MIDEAS: variants seen among roughly 807,000 people sequenced by gnomAD.
MIDEAS encodes the protein mitotic deacetylase associated SANT domain protein.
In MIDEAS, 26 loss-of-function variants were observed where a neutral mutation model predicts 102.7. That is an observed-to-expected ratio of 0.25 (90% confidence interval 0.19 to 0.35). MIDEAS has a LOEUF of 0.35. MIDEAS is among the 10% of genes least tolerant of loss of function. The pLI is 1.00. For missense variants in MIDEAS, 1,231 were observed against 1,435.6 expected (o/e 0.86, Z 2.30); for synonymous variants, 585 against 591.0 (o/e 0.99, Z 0.15).
Position 73,715,752 on chromosome 14 carries a change from C to CGTTA in MIDEAS, c.*3090_*3091insTAAC, listed in dbSNP as rs2052876789. ...GTGTTGTATTCCTCCTTCATCTTAA[C>CGTTA]ATCTGGCACATGAGAAGAAAGAGGT... On this transcript the variant is annotated 3_prime_UTR_variant, in exon 13 of 13. Coordinates refer to ENST00000423556, the MANE Select transcript of MIDEAS (RefSeq NM_001367710.1). The CGTTA allele has an allele frequency of 6.6e-6, 1 of 152,612 alleles. No homozygotes were observed. Among genetic ancestry groups the CGTTA allele is most frequent in the Non-Finnish European group, 1.5e-5 (1 of 68,052 alleles). 9.5% of individuals were successfully genotyped at this position (152,612 alleles called of 1,614,324 possible).
upstream of MIDEAS, among the ~76,000 whole-genome samples, chr14:73,763,027 T>C (rs1296013452): frequency 6.6e-6 from 1 of 152,162 alleles, no homozygotes; most frequent in Non-Finnish European, 1.5e-5. Flanking sequence ...CAGCAGTATC[T>C]AGACCATTAA....
rs1442567576 is a variant in MIDEAS at position 73,716,648 on chromosome 14, A to C, written c.*2195T>G. On this transcript the variant is annotated 3_prime_UTR_variant, in exon 13 of 13. Transcript: ENST00000423556. ...CAGTGAGCCAAGATCACACCACTGC[A>C]CTCCAGCCTGGGCGACAGAATGAGA... The C allele has an allele frequency of 1.5e-5, 2 of 137,264 alleles. No individual in the cohort carries two copies. Among genetic ancestry groups the C allele is most frequent in the Non-Finnish European group, 3.0e-5 (2 of 66,212 alleles). The allele number at this position is 137,264 out of a possible 1,614,324, so 8.5% of individuals were successfully genotyped here.
chr14:73,741,469 G>A (rs2053280514), intron 1 of MIDEAS, among the ~76,000 whole-genome samples: 2 of 152,222 alleles, frequency 1.3e-5, no homozygotes, highest in South Asian at 4.1e-4. Flanking sequence ...GGGCGGCTCT[G>A]AAGAGGAAAT....
In MIDEAS at chr14:73,729,994, G is replaced by A; in HGVS notation, c.1750-9C>T. ...ACATTCATGTCCTCTGCCTGGAGAA[G>A]GAAAGAAAACAAGGACGGCTCAGCC... is the stretch of plus-strand genomic sequence containing the variant. On this transcript the variant is annotated splice_polypyrimidine_tract_variant and intron_variant, in intron 3 of 12. Transcript: ENST00000423556. 2 of 1,603,466 alleles carry A rather than the reference G, an allele frequency of 1.2e-6. No homozygotes were observed. The highest frequency in any genetic ancestry group is 1.3e-5 in the African/African-American group (1 of 74,536).
At chr14:73,741,104 C>CT in intron 1 of MIDEAS, among the ~76,000 whole-genome samples, 1 of 152,364 alleles carries the variant, frequency 6.6e-6, no homozygotes, top group East Asian at 1.9e-4. Flanking sequence ...TGCCTGACCC[C>CT]TGCCCCTTCC....
upstream of MIDEAS, among the ~76,000 whole-genome samples, chr14:73,762,567 C>T (rs1472407686): frequency 6.6e-6 from 1 of 152,192 alleles, no homozygotes; most frequent in East Asian, 1.9e-4. Flanking sequence ...CTCAAAAAGG[C>T]GGGCAGATGA....
intron 1 of MIDEAS, among the ~76,000 whole-genome samples, chr14:73,743,914 A>G (rs1386900440): frequency 1.3e-5 from 2 of 151,940 alleles, no homozygotes; most frequent in Non-Finnish European, 1.5e-5. Flanking sequence ...GCAGCAACCA[A>G]TCCTTGACCA....
At chr14:73,758,837 C>A (rs1046055421) in intron 1 of MIDEAS, 1 of 154,504 alleles carries the variant, frequency 6.5e-6, no homozygotes, top group Non-Finnish European at 1.5e-5. Context: ...AGCCTGAAGG[C>A]CCCAGGGCAC....
chr14:73,719,226 CCTCCCCT>C, intron 12 of MIDEAS, 72 bp downstream of exon 12: 1 of 1,433,284 alleles, frequency 7.0e-7, no homozygotes, highest in African/African-American at 1.4e-5. Context: ...ACCTCTTCCC[CCTCCCCT>C]CCACCCCACC....
rs1406154932 is a variant in MIDEAS at position 73,716,426 on chromosome 14, G to C, written c.*2417C>G. The C allele has an allele frequency of 6.6e-6, 1 of 151,986 alleles. No homozygotes were observed. Among genetic ancestry groups the C allele is most frequent in the Non-Finnish European group, 1.5e-5 (1 of 68,010 alleles). 9.4% of individuals were successfully genotyped at this position (151,986 alleles called of 1,614,324 possible). ...ACGGTGGTTCACGCCTGTAATGCCA[G>C]CACTTTGGGAGGCCGAGGCGGGTGG... On this transcript the variant is annotated 3_prime_UTR_variant, in exon 13 of 13. Coordinates refer to ENST00000423556, the MANE Select transcript of MIDEAS (RefSeq NM_001367710.1).
intron 7 of MIDEAS, 109 bp from the exon 8 acceptor site, chr14:73,726,217 C>T: frequency 4.4e-6 from 4 of 906,248 alleles, no homozygotes; most frequent in Non-Finnish European, 7.1e-6. Flanking sequence ...TTACTCTTGC[C>T]CCCTTAACTG....
At chr14:73,763,128 G>A (rs1205451283), upstream of MIDEAS, among the ~76,000 whole-genome samples, 1 of 152,132 alleles carries the variant, frequency 6.6e-6, no homozygotes, top group Admixed American at 6.5e-5. Flanking sequence ...TTGAGCGCAG[G>A]AGTTTAGAGA....
chr14:73,745,334 C>T (rs115395035), intron 1 of MIDEAS, among the ~76,000 whole-genome samples: 202 of 152,360 alleles, frequency 1.3e-3, no homozygotes, highest in African/African-American at 4.6e-3. Context: ...TGGAAAAGTG[C>T]CAGCTCCACT....
intron 5 of MIDEAS, 152 bp from the exon 6 acceptor site, chr14:73,727,124 C>G: frequency 8.2e-6 from 8 of 975,056 alleles, no homozygotes; most frequent in Non-Finnish European, 1.2e-5. Context: ...CTTGGGAGGA[C>G]AGCCTGACCT....
In MIDEAS at chr14:73,721,399, C is replaced by T; in HGVS notation, c.2835G>A (p.Glu945=). The T allele has an allele frequency of 6.2e-7, 1 of 1,614,114 alleles. No individual in the cohort carries two copies. Among genetic ancestry groups the T allele is most frequent in the South Asian group, 1.1e-5 (1 of 91,078 alleles). The change falls in exon 11 of 13, where the codon GAG becomes GAA. Residue 945 remains glutamate, a synonymous_variant. Transcript: ENST00000423556. ...VKEPRKEGEE[E]VPEIQEKEEQ... Reference sequence around the variant, plus strand: ...CCTCCTTCTCTTGGATCTCTGGCACCTCCTCCTCCCCCTCCTTCCTGGGCT... The same window carrying T: ...CCTCCTTCTCTTGGATCTCTGGCACTTCCTCCTCCCCCTCCTTCCTGGGCT...
intron 1 of MIDEAS, among the ~76,000 whole-genome samples, chr14:73,768,440 C>T (rs575369199): frequency 1.3e-5 from 2 of 151,968 alleles, no homozygotes; most frequent in East Asian, 3.9e-4. Context: ...GCCTCATGGG[C>T]CATTCTCCCT....
intron 1 of MIDEAS, among the ~76,000 whole-genome samples, chr14:73,777,524 C>A (rs187148324): frequency 3.6e-4 from 55 of 150,954 alleles, no homozygotes; most frequent in Middle Eastern, 3.4e-3. Flanking sequence ...TTTCTGCACC[C>A]CTCTCAGCCG....
At position 73,738,895 on chromosome 14, in the gene MIDEAS, T is replaced by C; in HGVS notation, c.1114A>G (p.Thr372Ala). Residue 372 changes from threonine to alanine, a missense_variant, in exon 2 of 13, where the codon ACT becomes GCT. Around this residue, in one of 5 missense-constraint regions of MIDEAS, gnomAD observed 758 missense variants for 856.0 expected, o/e 0.89. Coordinates refer to ENST00000423556, the MANE Select transcript of MIDEAS (RefSeq NM_001367710.1). ...GAGTQPGQEATGNLFLHHWPL... is the reference protein window; with the variant it reads ...GAGTQPGQEAAGNLFLHHWPL... ...CAGTGATGTAGGAACAGGTTGCCAG[T>C]GGCCTCCTGCCCAGGCTGGGTGCCA... 1 of 1,546,396 alleles carries C rather than the reference T, an allele frequency of 6.5e-7. No individual in the cohort carries two copies. Among genetic ancestry groups the C allele is most frequent in the Non-Finnish European group, 8.7e-7 (1 of 1,146,440 alleles).
chr14:73,718,186 G>C lies in MIDEAS; in HGVS notation c.*657C>G, dbSNP rs4903144. On this transcript the variant is annotated 3_prime_UTR_variant, in exon 13 of 13. Transcript: ENST00000423556. ...TGAGAAAACTTTCTAGCCCTAGCAA[G>C]GCCGCCAGCAAGCAGCAAAGGGAGA... 0.49 allele frequency: 75,126 copies of C among 152,184 alleles called. 19,872 individuals are homozygous for C. The highest frequency in any genetic ancestry group is 0.92 in the East Asian group (4,767 of 5,166). The allele number at this position is 152,184 out of a possible 1,614,324, so 9.4% of individuals were successfully genotyped here. A position where few individuals can be genotyped will look rare whatever the true frequency, so the allele number is the denominator to read the frequency against.
Sources: allele counts gnomAD v4.1 joint callset (sites outside exome capture counted in the v4.1 genomes callset), GRCh38; gene constraint gnomAD v4.1.1; regional missense constraint gnomAD v4.1.1; transcripts MANE v1.5; gene names NCBI Gene and HGNC (gene_info 2026-07-23, HGNC 2026-07-21).